The following TRAPPC12 variants were observed in gnomAD, a reference collection of about 807,000 sequenced individuals.
The protein encoded by TRAPPC12 is trafficking protein particle complex subunit 12.
In TRAPPC12, 61 loss-of-function variants were observed where a neutral mutation model predicts 69.2. The ratio of observed to expected loss-of-function variants is 0.88; its 90% CI spans 0.72 to 1.09. TRAPPC12 has a LOEUF of 1.09. TRAPPC12 is among the 50% of genes least tolerant of loss of function. The pLI is 0.00. For missense variants in TRAPPC12, 1,101 were observed against 1,016.4 expected, an observed-to-expected ratio of 1.08 and a Z score of -1.13; for synonymous variants, 469 against 438.9, an observed-to-expected ratio of 1.07 and a Z score of -0.86.
chr2:3,439,989 A>G (rs1424478040), intron 5 of TRAPPC12, among the ~76,000 whole-genome samples: 1 of 152,006 alleles, frequency 6.6e-6, no homozygotes, highest in Admixed American at 6.6e-5. Context: ...CAGAGATCAA[A>G]CTGACTATAT....
chr2:3,411,644 A>G (rs979680996), intron 3 of TRAPPC12, among the ~76,000 whole-genome samples: 4 of 152,214 alleles, frequency 2.6e-5, no homozygotes, highest in African/African-American at 9.6e-5. Context: ...TCTTTTTATT[A>G]TGTATTATAT....
At chr2:3,384,122 CT>C (rs1260770423) in intron 1 of TRAPPC12, among the ~76,000 whole-genome samples, 1 of 151,982 alleles carries the variant, frequency 6.6e-6, no homozygotes, top group Non-Finnish European at 1.5e-5. Flanking sequence ...TCTTGAACTT[CT>C]GACCTCAGGT....
At chr2:3,439,432 T>C (rs777192187) in intron 5 of TRAPPC12, among the ~76,000 whole-genome samples, 5 of 152,154 alleles carry the variant, frequency 3.3e-5, no homozygotes. Context: ...TAGCTAGGAC[T>C]GTAGGCACAC....
rs762609674 is a variant in TRAPPC12 at position 3,387,897 on chromosome 2, G to C, written c.274G>C (p.Ala92Pro). Residue 92 changes from alanine (A) to proline (P), a missense_variant, in exon 2 of 12, where the codon GCT (alanine) becomes CCT (proline). Transcript: ENST00000324266. ...CGACCTGGGCCGAGTGCGGGACGAA[G>C]CTGAGCCCGGAGGGGAAGGCGACCC... Reference protein sequence around the residue: ...AGDLGRVRDEAEPGGEGDPGP... With the variant: ...AGDLGRVRDEPEPGGEGDPGP... 6.4e-7 allele frequency: 1 copy of C among 1,562,852 alleles called. No individual in the cohort carries two copies. Among genetic ancestry groups the C allele is most frequent in the Non-Finnish European group, 8.7e-7 (1 of 1,152,790 alleles).
intron 6 of TRAPPC12, among the ~76,000 whole-genome samples, chr2:3,452,446 C>T (rs764371643): frequency 1.1e-4 from 17 of 152,174 alleles, no homozygotes; most frequent in South Asian, 4.1e-4. Flanking sequence ...AATGCATGGC[C>T]GCATTTAAAC....
intron 6 of TRAPPC12, among the ~76,000 whole-genome samples, chr2:3,448,638 A>G: frequency 7.4e-6 from 1 of 135,826 alleles, no homozygotes; most frequent in Non-Finnish European, 1.5e-5. Flanking sequence ...CGGTTACGCG[A>G]GGGTAGGGCG....
intron 9 of TRAPPC12, among the ~76,000 whole-genome samples, chr2:3,471,941 G>A (rs768330488): frequency 6.6e-6 from 1 of 152,124 alleles, no homozygotes; most frequent in African/African-American, 2.4e-5. Flanking sequence ...GCAGCTGAGC[G>A]CAGGGTGGTT....
intron 9 of TRAPPC12, among the ~76,000 whole-genome samples, chr2:3,470,476 T>C (rs1321481811): frequency 6.6e-6 from 1 of 152,204 alleles, no homozygotes; most frequent in South Asian, 2.1e-4. Context: ...TCTCAGCTGA[T>C]AGTGGGCACT....
chr2:3,393,016 A>G (rs1418914522), intron 2 of TRAPPC12, among the ~76,000 whole-genome samples: 1 of 152,218 alleles, frequency 6.6e-6, no homozygotes, highest in African/African-American at 2.4e-5. Flanking sequence ...AGGCTGAGGC[A>G]GGAGGCTCAC....
At chr2:3,412,197 C>T (rs1278265535) in intron 3 of TRAPPC12, among the ~76,000 whole-genome samples, 1 of 152,158 alleles carries the variant, frequency 6.6e-6, no homozygotes, top group Non-Finnish European at 1.5e-5. Flanking sequence ...GCCACTGCCC[C>T]AAGGAGCTAA....
chr2:3,458,385 C>T (rs1369879159), intron 7 of TRAPPC12: 1 of 985,776 alleles, frequency 1.0e-6, no homozygotes, highest in Non-Finnish European at 1.2e-6. Flanking sequence ...GTGGCCTGGT[C>T]ATCTCCTCCT....
intron 5 of TRAPPC12, among the ~76,000 whole-genome samples, chr2:3,443,070 C>T (rs1664308228): frequency 6.6e-6 from 1 of 152,234 alleles, no homozygotes; most frequent in Non-Finnish European, 1.5e-5. Context: ...GTTGACCTTA[C>T]CCTGAGAGAT....
At chr2:3,396,320 T>C (rs13005076) in intron 2 of TRAPPC12, among the ~76,000 whole-genome samples, 5,279 of 152,254 alleles carry the variant, frequency 0.035, 112 homozygotes, top group East Asian at 0.058. Flanking sequence ...GAGAAGTCTG[T>C]AGTAATTCTT....
chr2:3,397,021 C>A (rs554935096), intron 2 of TRAPPC12, among the ~76,000 whole-genome samples: 2 of 152,096 alleles, frequency 1.3e-5, no homozygotes, highest in African/African-American at 2.4e-5. Context: ...AAGAAAAGTT[C>A]TTATCTGAAA....
chr2:3,422,196 C>T (rs559355593), intron 4 of TRAPPC12, among the ~76,000 whole-genome samples: 1 of 152,334 alleles, frequency 6.6e-6, no homozygotes, highest in South Asian at 2.1e-4. Flanking sequence ...GCCCCAGAAG[C>T]ACGCTCACAA....
intron 3 of TRAPPC12, among the ~76,000 whole-genome samples, chr2:3,404,364 C>T (rs919067726): frequency 6.6e-6 from 1 of 152,106 alleles, no homozygotes; most frequent in Non-Finnish European, 1.5e-5. Context: ...TAGAATCCTC[C>T]CCATTTTACT....
At chr2:3,390,358 A>G (rs1660756808) in intron 2 of TRAPPC12, among the ~76,000 whole-genome samples, 1 of 152,246 alleles carries the variant, frequency 6.6e-6, no homozygotes, top group South Asian at 2.1e-4. Flanking sequence ...TCAAATGTGC[A>G]TATTCTTTGA....
intron 3 of TRAPPC12, among the ~76,000 whole-genome samples, chr2:3,411,158 CTT>C (rs948376245): frequency 6.6e-6 from 1 of 152,270 alleles, no homozygotes; most frequent in African/African-American, 2.4e-5. Context: ...AAACCCAAAA[CTT>C]TGCTTATGCT....
Position 3,388,286 on chromosome 2 carries a change from GGACTTCTTC to G in TRAPPC12, c.668_676del (p.Phe223_Asp225del). On this transcript the variant is annotated inframe_deletion, in exon 2 of 12. Transcript: ENST00000324266. ...CGGCCGCCAGCCACTCCTTGGCCTCGGACTTCTTCGACTCCTTTACTACCTCCGCCTTCA... is the reference window on the plus strand; with the variant it reads ...CGGCCGCCAGCCACTCCTTGGCCTCGGACTCCTTTACTACCTCCGCCTTCA... The G allele has an allele frequency of 6.2e-7, 1 of 1,607,722 alleles. No homozygotes were observed. Among genetic ancestry groups the G allele is most frequent in the Admixed American group, 1.7e-5 (1 of 59,712 alleles).
Sources: gnomAD v4.1 joint callset for allele counts (sites outside exome capture counted in the v4.1 genomes callset) on GRCh38, gnomAD v4.1.1 for gene constraint, MANE v1.5 for transcripts, NCBI Gene and HGNC (gene_info 2026-07-23, HGNC 2026-07-21) for gene names.